Variants in TNS3 observed in about 807,000 individuals in gnomAD.
TNS3 encodes the protein tensin 3.
TNS3 carries 45 observed loss-of-function variants against 140.9 expected under a neutral mutation model. The ratio of observed to expected loss-of-function variants is 0.32; its 90% CI spans 0.25 to 0.41. The LOEUF is 0.41. Among genes scored for constraint, TNS3 ranks in the 10% least tolerant of loss-of-function variants. The pLI is 1.00. For missense variants in TNS3, 1,716 were observed against 1,906.7 expected (o/e 0.90, Z 1.86); for synonymous variants, 815 against 788.4 (o/e 1.03, Z -0.56).
In TNS3 at chr7:47,277,633, G is replaced by C. The variant is rs931065145; in HGVS notation, c.*443C>G. Reference sequence around the variant, plus strand: ...CGAGGTGAGGGAAACCCCCGGCCTCGGGTGCAGCTGGACAGAAGCGCCCAT... The same window carrying C: ...CGAGGTGAGGGAAACCCCCGGCCTCCGGTGCAGCTGGACAGAAGCGCCCAT... On this transcript the variant is annotated 3_prime_UTR_variant, in exon 31 of 31. Transcript: ENST00000311160. 10 of 233,218 alleles carry C rather than the reference G, an allele frequency of 4.3e-5. No individual in the cohort carries two copies. The highest frequency in any genetic ancestry group is 2.1e-4 in the African/African-American group (9 of 43,368). The allele number at this position is 233,218 out of a possible 1,614,324, so 14.4% of individuals were successfully genotyped here.
At chr7:47,475,380 G>A (rs768429689) in intron 4 of TNS3, among the ~76,000 whole-genome samples, 6 of 152,278 alleles carry the variant, frequency 3.9e-5, no homozygotes, top group Admixed American at 1.3e-4. Context: ...CAATCACAGC[G>A]TGAGTGCAGG....
chr7:47,370,168 C>A lies in TNS3; in HGVS notation c.1025-547G>T, dbSNP rs191262400. Among the ~76,000 whole-genome samples the A allele has an allele frequency of 3.7e-3, 565 of 152,126 alleles. 1 individual carries two copies. Among genetic ancestry groups the A allele is most frequent in the Non-Finnish European group, 6.4e-3 (436 of 67,998 alleles). On this transcript the variant is annotated intron_variant, in intron 16 of 30. Coordinates refer to ENST00000311160, the MANE Select transcript of TNS3 (RefSeq NM_022748.12). ...GCGCATGCCTGTAGTCCCAGCTACT[C>A]GGGAGGCTGAGTCAGGAGAATCACT...
intron 13 of TNS3, among the ~76,000 whole-genome samples, chr7:47,404,827 T>C (rs2151373832): frequency 6.6e-6 from 1 of 152,164 alleles, no homozygotes; most frequent in South Asian, 2.1e-4. Context: ...GAGCTTGCGG[T>C]GAGCCAAGAT....
At chr7:47,415,754 T>C (rs762886095) in intron 10 of TNS3, among the ~76,000 whole-genome samples, 2 of 152,256 alleles carry the variant, frequency 1.3e-5, no homozygotes, top group Admixed American at 1.3e-4. Flanking sequence ...TCCTTCCTGC[T>C]GTCCCCCTCT....
At chr7:47,299,403 G>A (rs1274430345) in intron 23 of TNS3, among the ~76,000 whole-genome samples, 1 of 152,124 alleles carries the variant, frequency 6.6e-6, no homozygotes, top group East Asian at 1.9e-4. Flanking sequence ...GCTTCCCTAA[G>A]TTGCTGGGAT....
intron 16 of TNS3, among the ~76,000 whole-genome samples, chr7:47,388,636 G>A (rs1402503946): frequency 6.6e-6 from 1 of 152,108 alleles, no homozygotes; most frequent in African/African-American, 2.4e-5. Context: ...AGGCCCAGGT[G>A]GGCAGATCTC....
chr7:47,304,957 T>G lies in TNS3; in HGVS notation c.2697A>C (p.Ser899=), dbSNP rs1786660265. 5 of 1,420,704 alleles carry G rather than the reference T, an allele frequency of 3.5e-6. No homozygotes were observed. Among genetic ancestry groups the G allele is most frequent in the Non-Finnish European group, 4.7e-6 (5 of 1,073,378 alleles). The allele number at this position is 1,420,704 out of a possible 1,614,324, so 88.0% of individuals were successfully genotyped here. A position where few individuals can be genotyped will look rare whatever the true frequency, so the allele number is the denominator to read the frequency against. The part of the protein sequence containing the change: ...PETLTHAVGM[S]ESPIGPKSTM... ...TGGATTTGGGTCCGATGGGGCTCTCTGACATCCCCACAGCGTGAGTGAGCG... is the reference window on the plus strand; with the variant it reads ...TGGATTTGGGTCCGATGGGGCTCTCGGACATCCCCACAGCGTGAGTGAGCG... Residue 899 remains serine (S), a synonymous_variant, in exon 21 of 31, where the codon TCA becomes TCC. Transcript: ENST00000311160.
chr7:47,447,828 G>A lies in TNS3; in HGVS notation c.-75-5773C>T, dbSNP rs116819252. The stretch of plus-strand genomic sequence containing the variant: ...AGCGGACAACTCTAGAACATGTGAT[G>A]ATGCTCGCTCTAGTATCTCTATGAG... On this transcript the variant is annotated intron_variant, in intron 4 of 30. Transcript: ENST00000311160. 8.8e-3 allele frequency among the ~76,000 whole-genome samples: 1,336 copies of A among 152,300 alleles called. 24 individuals are homozygous for A. The highest frequency in any genetic ancestry group is 0.03 in the African/African-American group (1,254 of 41,550).
intron 20 of TNS3, among the ~76,000 whole-genome samples, chr7:47,342,018 T>C (rs532273988): frequency 1.8e-4 from 27 of 152,292 alleles, no homozygotes; most frequent in Middle Eastern, 6.8e-3. Flanking sequence ...TTGAAGGTGT[T>C]CCTGTTGCCC....
At chr7:47,321,931 T>C (rs1179073056) in intron 20 of TNS3, among the ~76,000 whole-genome samples, 2 of 152,084 alleles carry the variant, frequency 1.3e-5, no homozygotes, top group Non-Finnish European at 2.9e-5. Flanking sequence ...CTGCTGAAGC[T>C]TCCCTCCTGC....
chr7:47,491,215 G>A (rs1043731936), intron 3 of TNS3, among the ~76,000 whole-genome samples: 1 of 152,180 alleles, frequency 6.6e-6, no homozygotes, highest in Non-Finnish European at 1.5e-5. Flanking sequence ...ACGGTATGTG[G>A]TGTTCTTGAA....
intron 13 of TNS3, among the ~76,000 whole-genome samples, chr7:47,402,439 C>T (rs1430113237): frequency 6.6e-6 from 1 of 152,180 alleles, no homozygotes; most frequent in East Asian, 1.9e-4. Context: ...TGCTTTCCAA[C>T]AGCCAATGGC....
rs567572399 is a variant in TNS3 at position 47,306,823 on chromosome 7, C to T, written c.2651-1820G>A. ...CGATCTCCTGAACTCGTGATCTGCCCGCCTTGGCCTCCCAAAGTGCTGGGA... is the reference window on the plus strand; with the variant it reads ...CGATCTCCTGAACTCGTGATCTGCCTGCCTTGGCCTCCCAAAGTGCTGGGA... On this transcript the variant is annotated intron_variant, in intron 20 of 30. Transcript: ENST00000311160. Among the ~76,000 whole-genome samples the T allele has an allele frequency of 4.6e-5, 7 of 152,264 alleles. No homozygotes were observed. In the East Asian group the frequency reaches 9.6e-4, roughly 21 times the overall value.
intron 1 of TNS3, among the ~76,000 whole-genome samples, chr7:47,549,740 G>T (rs1800012455): frequency 6.6e-6 from 1 of 152,024 alleles, no homozygotes; most frequent in African/African-American, 2.4e-5. Context: ...CTCTAAGAGG[G>T]CATAAACTCT....
chr7:47,537,065 C>A (rs1351248924), intron 1 of TNS3, among the ~76,000 whole-genome samples: 3 of 151,798 alleles, frequency 2.0e-5, no homozygotes, highest in African/African-American at 7.2e-5. Flanking sequence ...GTTCCGCGCG[C>A]GAACCCTCCC....
At chr7:47,327,842 A>C (rs1788107765) in intron 20 of TNS3, among the ~76,000 whole-genome samples, 1 of 148,136 alleles carries the variant, frequency 6.8e-6, no homozygotes, top group African/African-American at 2.5e-5. Context: ...ACCCCTCCCC[A>C]CCCCCCTCCA....
intron 10 of TNS3, 94 bp downstream of exon 10, chr7:47,424,007 T>C (rs1160864368): frequency 1.6e-6 from 2 of 1,219,324 alleles, no homozygotes; most frequent in Non-Finnish European, 2.4e-6. Flanking sequence ...TTCATTTAGG[T>C]GTCGGGACAG....
intron 2 of TNS3, among the ~76,000 whole-genome samples, chr7:47,522,296 C>T (rs1307357552): frequency 2.6e-5 from 4 of 152,218 alleles, no homozygotes; most frequent in Non-Finnish European, 4.4e-5. Flanking sequence ...CTCCCTAAGG[C>T]ATTTCAGATC....
intron 17 of TNS3, 81 bp downstream of exon 17, chr7:47,368,284 C>G: frequency 7.4e-7 from 1 of 1,350,660 alleles, no homozygotes. Flanking sequence ...AAAAGCTAAC[C>G]TACTAGGCTG....
Sources: allele counts gnomAD v4.1 joint callset (sites outside exome capture counted in the v4.1 genomes callset), GRCh38; gene constraint gnomAD v4.1.1; transcripts MANE v1.5; gene names NCBI Gene and HGNC (gene_info 2026-07-23, HGNC 2026-07-21).